TRPS1: variants seen among roughly 807,000 people sequenced by gnomAD.
TRPS1 encodes the protein transcriptional repressor GATA binding 1.
Under a neutral mutation model 101.2 loss-of-function variants are expected in TRPS1, and 6 were observed. That is an observed-to-expected ratio of 0.06 (90% CI 0.03 to 0.12). TRPS1 has a LOEUF of 0.12. Among genes scored for constraint, TRPS1 ranks in the 10% least tolerant of loss-of-function variants. The probability of loss-of-function intolerance (pLI) is 1.00; values close to 1 mark genes in which losing one functional copy is unlikely to be tolerated. For synonymous variants in TRPS1, 578 were observed against 589.8 expected, an observed-to-expected ratio of 0.98 and a Z score of 0.29; for missense variants, 1,363 against 1,567.0, an observed-to-expected ratio of 0.87 and a Z score of 2.20.
chr8:115,597,052 GT>G (rs1222285872), intron 4 of TRPS1, among the ~76,000 whole-genome samples: 1 of 151,750 alleles, frequency 6.6e-6, no homozygotes, highest in Non-Finnish European at 1.5e-5. Context: ...GACAATCAGA[GT>G]TTTTTCCTGT....
chr8:115,485,801 C>T (rs1181507322), intron 5 of TRPS1, among the ~76,000 whole-genome samples: 1 of 152,178 alleles, frequency 6.6e-6, no homozygotes, highest in African/African-American at 2.4e-5. Flanking sequence ...GGAAGCTGAT[C>T]TTAGCAGGAA....
At chr8:115,431,436 C>T (rs1813315793) in intron 5 of TRPS1, among the ~76,000 whole-genome samples, 1 of 151,986 alleles carries the variant, frequency 6.6e-6, no homozygotes, top group Non-Finnish European at 1.5e-5. Context: ...GAGTTTATTA[C>T]ATCAATGACA....
chr8:115,537,332 TATAC>T (rs1250788389), intron 5 of TRPS1, among the ~76,000 whole-genome samples: 1 of 152,176 alleles, frequency 6.6e-6, no homozygotes, highest in Non-Finnish European at 1.5e-5. Context: ...TTCTCAAAAT[TATAC>T]ATGTAAATGT....
chr8:115,646,216 C>G (rs992213512), intron 1 of TRPS1, among the ~76,000 whole-genome samples: 7 of 152,112 alleles, frequency 4.6e-5, no homozygotes, highest in Admixed American at 2.0e-4. Flanking sequence ...ATTCTTCCCC[C>G]CAAAACCTGT....
intron 4 of TRPS1, among the ~76,000 whole-genome samples, chr8:115,597,510 T>C (rs1292611612): frequency 6.6e-6 from 1 of 152,104 alleles, no homozygotes; most frequent in Non-Finnish European, 1.5e-5. Flanking sequence ...AACTGCTCTA[T>C]ATGTGCTTCA....
intron 5 of TRPS1, among the ~76,000 whole-genome samples, chr8:115,521,040 A>C (rs1269038290): frequency 6.6e-6 from 1 of 151,856 alleles, no homozygotes; most frequent in Non-Finnish European, 1.5e-5. Context: ...GCAAAGGCAC[A>C]CTTTTTTTTG....
rs145060771 is a variant in TRPS1, at chr8:115,564,404, T to C, written c.2700+22597A>G. 4.2e-3 allele frequency among the ~76,000 whole-genome samples: 642 copies of C among 152,098 alleles called. 10 individuals are homozygous for C. Among genetic ancestry groups the C allele is most frequent in the Middle Eastern group, 0.024 (7 of 294 alleles). ...AGTAAATTGTACCATAGATCACTGGTAGGGGAAACAAAAGCAAAAGCAAAA... is the reference window on the plus strand; with the variant it reads ...AGTAAATTGTACCATAGATCACTGGCAGGGGAAACAAAAGCAAAAGCAAAA... On this transcript the variant is annotated intron_variant, in intron 5 of 6. Transcript: ENST00000395715.
intron 5 of TRPS1, among the ~76,000 whole-genome samples, chr8:115,535,022 T>C (rs1008258875): frequency 6.7e-6 from 1 of 148,516 alleles, no homozygotes; most frequent in Non-Finnish European, 1.5e-5. Context: ...AGCATATATA[T>C]AAGCATATAT....
Position 115,418,415 on chromosome 8 carries a change from A to T in TRPS1, c.2738T>A (p.Leu913Gln). The T allele has an allele frequency of 6.2e-7, 1 of 1,614,192 alleles. No individual in the cohort carries two copies. The highest frequency in any genetic ancestry group is 8.5e-7 in the Non-Finnish European group (1 of 1,180,028). The change falls in exon 6 of 7, where the codon CTG (leucine) becomes CAG (glutamine). Residue 913 changes from leucine (L) to glutamine (Q), a missense_variant. Leu to Gln is a moderately radical substitution (Grantham distance 113). Around this residue, in one of 5 missense-constraint regions of TRPS1, gnomAD observed 22 missense variants for 37.9 expected, o/e 0.58. Transcript: ENST00000395715. This position sits in a 1 kb window ranked among gnomAD's most constrained non-coding sequence, Gnocchi z 4.3. ...RGSGVFCANC[L>Q]TTKTSLWRKN... ...TCGCCAGAGAGAGGTCTTTGTGGTC[A>T]GGCAATTGGCACAAAAAACACCGGA...
chr8:115,409,486 AT>A lies in TRPS1; in HGVS notation c.*4536del. 1 of 152,042 alleles carries A rather than the reference AT, an allele frequency of 6.6e-6. No individual in the cohort carries two copies. Among genetic ancestry groups the A allele is most frequent in the Non-Finnish European group, 1.5e-5 (1 of 67,978 alleles). The allele number at this position is 152,042 out of a possible 1,614,324, so 9.4% of individuals were successfully genotyped here. A position where few individuals can be genotyped will look rare whatever the true frequency, so the allele number is the denominator to read the frequency against. On this transcript the variant is annotated 3_prime_UTR_variant, in exon 7 of 7. Coordinates refer to ENST00000395715, the MANE Select transcript of TRPS1 (RefSeq NM_014112.5). Reference sequence around the variant, plus strand: ...TTTCTCACGTGTGGATTACTCTTGAATTTCACATTTTCTTCATGTGACATAC... The same window carrying A: ...TTTCTCACGTGTGGATTACTCTTGAATTCACATTTTCTTCATGTGACATAC...
intron 1 of TRPS1, among the ~76,000 whole-genome samples, chr8:115,659,517 G>A (rs1219804662): frequency 2.0e-5 from 3 of 151,746 alleles, no homozygotes; most frequent in Non-Finnish European, 4.4e-5. Context: ...ATACAACAAA[G>A]AGATGAATAT....
intron 5 of TRPS1, among the ~76,000 whole-genome samples, chr8:115,531,070 AAAGTAT>A (rs1816119565): frequency 6.6e-6 from 1 of 152,180 alleles, no homozygotes; most frequent in African/African-American, 2.4e-5. Context: ...CCTAGAACTT[AAAGTAT>A]AATAATAAAA....
intron 5 of TRPS1, among the ~76,000 whole-genome samples, chr8:115,474,448 C>A (rs1442432368): frequency 6.6e-6 from 1 of 152,090 alleles, no homozygotes; most frequent in African/African-American, 2.4e-5. Flanking sequence ...AAAAAATTCA[C>A]AGCACTTTGC....
At position 115,587,069 on chromosome 8, in the gene TRPS1, C is replaced by T. The variant is rs1399409889; in HGVS notation, c.2632G>A (p.Ala878Thr). ...GATGCAGGATACTGCTGGGGGAGGG[C>T]CCCAGACTTCTCTCCGCCAGCTGGC... is the stretch of plus-strand genomic sequence containing the variant. The part of the protein sequence containing the change: ...GAPAGGEKSG[A>T]LPQQYPASGE... The change falls in exon 5 of 7, where the codon GCC becomes ACC. Residue 878 changes from alanine to threonine, a missense_variant. Transcript: ENST00000395715. 5.0e-6 allele frequency: 8 copies of T among 1,614,040 alleles called. No homozygotes were observed. The Admixed American group carries it at 6.7e-5, about 13-fold the overall frequency.
intron 3 of TRPS1, among the ~76,000 whole-genome samples, chr8:115,611,547 A>T (rs1818166656): frequency 6.6e-6 from 1 of 152,224 alleles, no homozygotes; most frequent in South Asian, 2.1e-4. Context: ...CCATGACAAC[A>T]CAGAGGAAGA....
At position 115,440,359 on chromosome 8, in the gene TRPS1, T is replaced by C. The variant is rs540083557; in HGVS notation, c.2701-21907A>G. On this transcript the variant is annotated intron_variant, in intron 5 of 6. Transcript: ENST00000395715. ...CGACTGGCTGAGACAAGCCTCCCTG[T>C]TCTTCAAAGGGAATTCTTGCATTTC... Among the ~76,000 whole-genome samples the C allele has an allele frequency of 2.6e-5, 4 of 152,334 alleles. No homozygotes were observed. The South Asian group carries it at 8.3e-4, about 32-fold the overall frequency.
At chr8:115,487,094 C>T (rs1048055764) in intron 5 of TRPS1, among the ~76,000 whole-genome samples, 1 of 152,130 alleles carries the variant, frequency 6.6e-6, no homozygotes, top group Admixed American at 6.5e-5. Flanking sequence ...AAATTCAAGC[C>T]AGTGCTCATT....
intron 1 of TRPS1, among the ~76,000 whole-genome samples, chr8:115,649,544 T>C (rs1258262779): frequency 2.6e-5 from 4 of 152,174 alleles, no homozygotes; most frequent in African/African-American, 7.2e-5. Context: ...GCTCAACCAG[T>C]GTGAATCAGG....
At chr8:115,417,673 C>T (rs1036263764) in intron 6 of TRPS1, among the ~76,000 whole-genome samples, 2 of 152,080 alleles carry the variant, frequency 1.3e-5, no homozygotes, top group Non-Finnish European at 2.9e-5. Flanking sequence ...AAAGAACCTC[C>T]GTGAGCCAAA....
Sources: gnomAD v4.1 joint callset for allele counts (sites outside exome capture counted in the v4.1 genomes callset) on GRCh38, gnomAD v4.1.1 for gene constraint, gnomAD v4.1.1 regional missense constraint, Gnocchi (gnomAD v3.1) non-coding constraint, MANE v1.5 for transcripts, NCBI Gene and HGNC (gene_info 2026-07-23, HGNC 2026-07-21) for gene names.